Variants in VPS13D observed in about 807,000 individuals in gnomAD.
VPS13D encodes the protein intermembrane lipid transfer protein VPS13D.
A neutral mutation model predicts 461.9 loss-of-function variants in VPS13D; 187 were observed. That is an observed-to-expected ratio of 0.40 (90% CI 0.36 to 0.46). VPS13D has a LOEUF of 0.46. VPS13D is among the 20% of genes least tolerant of loss of function. The pLI is 0.60. For synonymous variants in VPS13D, 1,951 were observed against 1,986.3 expected (o/e 0.98, Z 0.47); for missense variants, 4,711 against 5,364.9 (o/e 0.88, Z 3.81).
At chr1:12,301,323 A>G (rs1403340913) in intron 25 of VPS13D, among the ~76,000 whole-genome samples, 1 of 152,222 alleles carries the variant, frequency 6.6e-6, no homozygotes, top group Admixed American at 6.5e-5. Context: ...ACCAGTCACA[A>G]GTACAGGTCT....
At chr1:12,478,671 G>A (rs75109580) in intron 67 of VPS13D, 33,983 of 398,122 alleles carry the variant, frequency 0.085, 2,050 homozygotes, top group African/African-American at 0.19. Context: ...AGGAAGAAAC[G>A]CTGTCTAGAG....
chr1:12,417,023 C>G (rs1420798767), intron 65 of VPS13D, among the ~76,000 whole-genome samples, 196 bp downstream of exon 65: 3 of 152,138 alleles, frequency 2.0e-5, no homozygotes, highest in African/African-American at 7.2e-5. Flanking sequence ...ATACCTCTTC[C>G]TCCTTCCTCT....
At chr1:12,342,009 C>A in intron 41 of VPS13D, 124 bp downstream of exon 41, 2 of 776,696 alleles carry the variant, frequency 2.6e-6, no homozygotes, top group Middle Eastern at 4.7e-4. Flanking sequence ...GAATAACTTG[C>A]TGTCTTGCTG....
rs58476786 is a variant in VPS13D, at chr1:12,395,996, G to GATATATATATATATAT, written c.11635-4167_11635-4152dup. ...TCTTAGAGGGATAGAACTAATAGGA[G>GATATATATATATATAT]ATATATATATATATATATATATATA... On this transcript the variant is annotated intron_variant, in intron 60 of 69. Transcript: ENST00000620676. Among the ~76,000 whole-genome samples, 244 of 73,720 alleles carry GATATATATATATATAT rather than the reference G, an allele frequency of 3.3e-3. 3 individuals carry two copies. The highest frequency in any genetic ancestry group is 6.8e-3 in the Middle Eastern group (1 of 146). 48.4% of individuals were successfully genotyped at this position (73,720 alleles called of 152,430 possible).
intron 42 of VPS13D, among the ~76,000 whole-genome samples, chr1:12,344,272 C>T (rs141286844): frequency 0.01 from 1,576 of 152,264 alleles, 12 homozygotes; most frequent in Non-Finnish European, 0.015. Context: ...TAATCATGTG[C>T]TTTTTGTGGT....
Position 12,505,299 on chromosome 1 carries a change from T to G in VPS13D, c.12795-1554T>G, listed in dbSNP as rs1646090717. ...CCCGGACCAGCTATTTCAGATTCCA[T>G]TCAACTCTGTTCAGTGATGCTGCCG... On this transcript the variant is annotated intron_variant, in intron 68 of 69. Transcript: ENST00000620676. This position sits in a 1 kb window ranked among gnomAD's most constrained non-coding sequence, Gnocchi z 4.2. Among the ~76,000 whole-genome samples, 1 of 152,244 alleles carries G rather than the reference T, an allele frequency of 6.6e-6. No homozygotes were observed. The highest frequency in any genetic ancestry group is 1.5e-5 in the Non-Finnish European group (1 of 68,042).
chr1:12,262,477 T>C (rs1375927370), intron 13 of VPS13D, among the ~76,000 whole-genome samples: 1 of 152,164 alleles, frequency 6.6e-6, no homozygotes, highest in Admixed American at 6.5e-5. Flanking sequence ...ATAGGTAGTA[T>C]GATATTCTCT....
At chr1:12,486,094 T>G (rs558360536) in intron 67 of VPS13D, among the ~76,000 whole-genome samples, 1 of 152,254 alleles carries the variant, frequency 6.6e-6, no homozygotes, top group African/African-American at 2.4e-5. Flanking sequence ...TGCCCAAAAA[T>G]CCAAGATACT....
rs373224461 is a variant in VPS13D at position 12,505,689 on chromosome 1, G to T, written c.12795-1164G>T. On this transcript the variant is annotated intron_variant, in intron 68 of 69. Coordinates refer to ENST00000620676, the MANE Select transcript of VPS13D (RefSeq NM_015378.4). This position sits in a 1 kb window ranked among gnomAD's most constrained non-coding sequence, Gnocchi z 4.2. ...GTTTGTGCTTGGCCATGCTTTGGGGGCCATCACAATTAAATGCTCAAAAGT... is the reference window on the plus strand; with the variant it reads ...GTTTGTGCTTGGCCATGCTTTGGGGTCCATCACAATTAAATGCTCAAAAGT... Among the ~76,000 whole-genome samples, 1 of 152,208 alleles carries T rather than the reference G, an allele frequency of 6.6e-6. No individual in the cohort carries two copies. The highest frequency in any genetic ancestry group is 2.4e-5 in the African/African-American group (1 of 41,442).
rs938490901 is a variant in VPS13D at position 12,385,165 on chromosome 1, A to G, written c.11371-95A>G. On this transcript the variant is annotated intron_variant, in intron 58 of 69. Transcript: ENST00000620676. ...TCGCTTCCATAGGATTATTGATTAT[A>G]TAATGACTTTTGACCTACACAGTTG... 27 of 917,418 alleles carry G rather than the reference A, an allele frequency of 2.9e-5. No homozygotes were observed. In the East Asian group the frequency reaches 5.8e-4, roughly 20 times the overall value. The allele number at this position is 917,418 out of a possible 1,614,324, so 56.8% of individuals were successfully genotyped here. A position where few individuals can be genotyped will look rare whatever the true frequency, so the allele number is the denominator to read the frequency against.
chr1:12,256,359 T>G lies in VPS13D; in HGVS notation c.696T>G (p.Ser232Arg), dbSNP rs766682946. 1 of 1,613,292 alleles carries G rather than the reference T, an allele frequency of 6.2e-7. No homozygotes were observed. Among genetic ancestry groups the G allele is most frequent in the Non-Finnish European group, 8.5e-7 (1 of 1,179,866 alleles). Residue 232 changes from serine to arginine, a missense_variant, in exon 8 of 70, where the codon AGT (serine) becomes AGG (arginine). Ser to Arg is a moderately radical substitution (Grantham distance 110). This residue lies in a region of VPS13D where 4,411 missense variants were observed against 4,937.8 expected (regional missense o/e 0.89). Coordinates refer to ENST00000620676, the MANE Select transcript of VPS13D (RefSeq NM_015378.4). ...LQEAMARSMESRSHHYVLEPV... is the reference protein window; with the variant it reads ...LQEAMARSMERRSHHYVLEPV... ...AGGCCATGGCCAGGAGCATGGAGAG[T>G]CGCAGCCATCACTACGTCCTGGAGC...
intron 24 of VPS13D, among the ~76,000 whole-genome samples, chr1:12,295,911 AT>A (rs1642263564): frequency 6.6e-6 from 1 of 152,188 alleles, no homozygotes; most frequent in African/African-American, 2.4e-5. Context: ...TCTAAACGGT[AT>A]CTTTTGCTTT....
chr1:12,507,112 T>C lies in VPS13D; in HGVS notation c.13035+19T>C. ...GCCCATGGTGAGTGCCTGGCTGTTC[T>C]CAGGCTCCTGAGGGGCGGGGCCAGG... On this transcript the variant is annotated intron_variant, in intron 69 of 69. Coordinates refer to ENST00000620676, the MANE Select transcript of VPS13D (RefSeq NM_015378.4). The surrounding 1 kb of genome is among the most constrained non-coding windows in gnomAD (Gnocchi z 5.3). The C allele has an allele frequency of 1.2e-6, 2 of 1,613,696 alleles. No individual in the cohort carries two copies. Among genetic ancestry groups the C allele is most frequent in the Non-Finnish European group, 1.7e-6 (2 of 1,179,752 alleles).
chr1:12,363,337 A>G (rs577131890), intron 52 of VPS13D, 90 bp downstream of exon 52: 11 of 1,384,520 alleles, frequency 7.9e-6, no homozygotes, highest in East Asian at 4.7e-5. Context: ...AATGGGCACA[A>G]ATATTTCTGG....
At chr1:12,322,282 G>A (rs1425830071) in intron 33 of VPS13D, among the ~76,000 whole-genome samples, 1 of 152,064 alleles carries the variant, frequency 6.6e-6, no homozygotes, top group Non-Finnish European at 1.5e-5. Context: ...TAGCCAGGAT[G>A]GTCTCGATCT....
intron 30 of VPS13D, among the ~76,000 whole-genome samples, chr1:12,317,049 CTGG>C (rs1423460951): frequency 7.3e-5 from 11 of 149,994 alleles, no homozygotes; most frequent in African/African-American, 2.2e-4. Flanking sequence ...ACATTTATCC[CTGG>C]TAAATGTCAT....
Position 12,342,951 on chromosome 1 carries a change from A to G in VPS13D, c.8785A>G (p.Thr2929Ala). ...AGGGGTAGTTCCAGAAGGGAACGGA[A>G]CATTTCTCGATGATACTCACAATGT... ...SPGVVPEGNGTFLDDTHNVSE... is the reference protein window; with the variant it reads ...SPGVVPEGNGAFLDDTHNVSE... Residue 2929 changes from threonine (T) to alanine (A), a missense_variant, in exon 42 of 70, where the codon ACA becomes GCA. Thr to Ala is a moderately conservative substitution (Grantham distance 58). Around this residue, in one of 3 missense-constraint regions of VPS13D, gnomAD observed 4,411 missense variants for 4,937.8 expected, o/e 0.89. Coordinates refer to ENST00000620676, the MANE Select transcript of VPS13D (RefSeq NM_015378.4). The G allele has an allele frequency of 1.2e-6, 2 of 1,613,912 alleles. No homozygotes were observed. Among genetic ancestry groups the G allele is most frequent in the South Asian group, 1.1e-5 (1 of 91,048 alleles).
At chr1:12,235,922 C>G (rs1303588266) in intron 2 of VPS13D, among the ~76,000 whole-genome samples, 1 of 152,186 alleles carries the variant, frequency 6.6e-6, no homozygotes, top group Non-Finnish European at 1.5e-5. Context: ...CCCTGCTAAT[C>G]AAAGAGCTGG....
chr1:12,265,404 C>T (rs574566101), intron 13 of VPS13D, among the ~76,000 whole-genome samples: 2 of 152,280 alleles, frequency 1.3e-5, no homozygotes, highest in Admixed American at 1.3e-4. Flanking sequence ...CCCCAAAGTG[C>T]TGGGATTGCA....
Sources: gnomAD v4.1 joint callset for allele counts (sites outside exome capture counted in the v4.1 genomes callset) on GRCh38, gnomAD v4.1.1 for gene constraint, gnomAD v4.1.1 regional missense constraint, Gnocchi (gnomAD v3.1) non-coding constraint, MANE v1.5 for transcripts, NCBI Gene and HGNC (gene_info 2026-07-23, HGNC 2026-07-21) for gene names.